Variants in CEP63 observed in about 807,000 individuals in gnomAD.
CEP63 encodes centrosomal protein of 63 kDa.
In CEP63, 84 loss-of-function variants were observed where a neutral mutation model predicts 89.1. That is an observed-to-expected ratio of 0.94 (90% CI 0.79 to 1.13). The LOEUF is 1.13. CEP63 is among the 50% of genes most tolerant of loss of function. CEP63 has a pLI of 0.00. For missense variants in CEP63, 838 were observed against 813.3 expected (o/e 1.03, Z -0.37); for synonymous variants, 267 against 272.5 (o/e 0.98, Z 0.20).
Position 134,537,020 on chromosome 3 carries a change from A to G in CEP63, c.442-135A>G, listed in dbSNP as rs919731637. The G allele has an allele frequency of 5.6e-6, 4 of 712,752 alleles. No homozygotes were observed. In the East Asian group the frequency reaches 1.1e-4, roughly 19 times the overall value. The allele number at this position is 712,752 out of a possible 1,614,324, so 44.2% of individuals were successfully genotyped here. A position where few individuals can be genotyped will look rare whatever the true frequency, so the allele number is the denominator to read the frequency against. On this transcript the variant is annotated intron_variant, in intron 5 of 14. Transcript: ENST00000675561. ...CTCCAGCTCTGTTAGCTGAGTGAGT[A>G]ATGGGGCTCCCGCTGTGGAGAAAGG... is the stretch of plus-strand genomic sequence containing the variant.
chr3:134,487,281 A>G (rs1425229198), intron 1 of CEP63, among the ~76,000 whole-genome samples: 1 of 152,130 alleles, frequency 6.6e-6, no homozygotes, highest in East Asian at 1.9e-4. Flanking sequence ...ATTGATTTTT[A>G]TTTTGAGTTT....
chr3:134,537,910 T>C (rs1450112307), intron 6 of CEP63, among the ~76,000 whole-genome samples: 2 of 152,200 alleles, frequency 1.3e-5, no homozygotes, highest in South Asian at 2.1e-4. Context: ...TTTAGAACAT[T>C]GATAGAAACT....
At chr3:134,639,169 T>C in the CEP63 span, among the ~76,000 whole-genome samples, 2 of 151,612 alleles carry the variant, frequency 1.3e-5, no homozygotes, top group African/African-American at 4.9e-5. Flanking sequence ...TGGTTAGATA[T>C]TCAACAGAGA....
chr3:134,730,411 A>C, the CEP63 span, among the ~76,000 whole-genome samples: 3 of 152,174 alleles, frequency 2.0e-5, no homozygotes, highest in African/African-American at 7.2e-5. Context: ...ACAATAACAT[A>C]ATTTCCATGT....
the CEP63 span, chr3:134,651,104 C>T: frequency 1.2e-5 from 18 of 1,511,684 alleles, no homozygotes; most frequent in Non-Finnish European, 1.6e-5. Flanking sequence ...AGCCGCAGGG[C>T]GCTGCTTTTC....
Position 134,547,343 on chromosome 3 carries a change from A to T in CEP63, c.938A>T (p.Glu313Val), listed in dbSNP as rs756463576. ...QHAVEAIRPREESLAEKKYTS... is the reference protein window; with the variant it reads ...QHAVEAIRPRVESLAEKKYTS... The stretch of plus-strand genomic sequence containing the variant: ...CCTATGTCTTTCCATAGGCCACGGG[A>T]AGAATCTCTGGCAGAAAAGAAGTAC... Residue 313 changes from glutamate (E) to valine (V), a missense_variant, in exon 9 of 15, where the codon GAA becomes GTA. Transcript: ENST00000675561. 6.2e-7 allele frequency: 1 copy of T among 1,613,594 alleles called. No homozygotes were observed. Among genetic ancestry groups the T allele is most frequent in the Non-Finnish European group, 8.5e-7 (1 of 1,179,578 alleles).
At chr3:134,780,281 A>G in the CEP63 span, among the ~76,000 whole-genome samples, 23 of 152,240 alleles carry the variant, frequency 1.5e-4, no homozygotes, top group African/African-American at 5.5e-4. Context: ...TATATAATAT[A>G]AAATTTTCAT....
intron 3 of CEP63, among the ~76,000 whole-genome samples, chr3:134,531,088 G>C (rs976378862): frequency 2.6e-5 from 4 of 152,124 alleles, no homozygotes; most frequent in African/African-American, 9.7e-5. Flanking sequence ...TCTGGAGTTG[G>C]GTGAATGGTA....
the CEP63 span, among the ~76,000 whole-genome samples, chr3:134,711,586 A>G: frequency 2.0e-5 from 3 of 152,038 alleles, no homozygotes; most frequent in Admixed American, 6.6e-5. Flanking sequence ...GAGACTCTGA[A>G]TGTTTGAAAA....
Position 134,562,688 on chromosome 3 carries a change from T to G in CEP63, c.*1153T>G, listed in dbSNP as rs1957458777. 1 of 152,376 alleles carries G rather than the reference T, an allele frequency of 6.6e-6. No homozygotes were observed. Among genetic ancestry groups the G allele is most frequent in the East Asian group, 1.9e-4 (1 of 5,180 alleles). 9.4% of individuals were successfully genotyped at this position (152,376 alleles called of 1,614,324 possible). On this transcript the variant is annotated 3_prime_UTR_variant, in exon 15 of 15. Coordinates refer to ENST00000675561, the MANE Select transcript of CEP63 (RefSeq NM_001353108.3). ...CTTCCTAACCCTCTCCAACACCACT[T>G]CCATCCCCAGACTGCTTTCTTGCTC...
chr3:134,633,400 A>G, the CEP63 span, among the ~76,000 whole-genome samples: 1 of 152,120 alleles, frequency 6.6e-6, no homozygotes, highest in African/African-American at 2.4e-5. Flanking sequence ...AGAAAAATAT[A>G]CTACAACCAT....
At chr3:134,672,056 C>T in the CEP63 span, among the ~76,000 whole-genome samples, 19 of 152,036 alleles carry the variant, frequency 1.2e-4, no homozygotes, top group Non-Finnish European at 2.1e-4. Context: ...GTGTTGAAAC[C>T]AATTTCAAAA....
chr3:134,727,521 G>A, the CEP63 span, among the ~76,000 whole-genome samples: 1 of 152,184 alleles, frequency 6.6e-6, no homozygotes, highest in Non-Finnish European at 1.5e-5. Flanking sequence ...GTACGTGCAA[G>A]TGGGCTGAAG....
At chr3:134,612,751 CTGTGTGTGTGTGTGTGTGTGTG>C in the CEP63 span, among the ~76,000 whole-genome samples, 12 of 125,420 alleles carry the variant, frequency 9.6e-5, no homozygotes, top group Non-Finnish European at 1.7e-5. Flanking sequence ...CACGCCGATG[CTGTGTGTGTGTGTGTGTGTGTG>C]TGTGTGTGTG....
the CEP63 span, among the ~76,000 whole-genome samples, chr3:134,758,010 C>CT: frequency 2.6e-5 from 4 of 152,152 alleles, no homozygotes; most frequent in African/African-American, 9.7e-5. Flanking sequence ...TTATCAGAAT[C>CT]TACTTGTTAC....
At chr3:134,535,227 C>A (rs1448007701) in intron 5 of CEP63, 1 of 152,058 alleles carries the variant, frequency 6.6e-6, no homozygotes, top group East Asian at 1.9e-4. Context: ...GTTCTTGTAC[C>A]CACTCAATAA....
In CEP63 at chr3:134,559,256, A is replaced by G. The variant is rs777696356; in HGVS notation, c.1780A>G (p.Arg594Gly). 3.1e-6 allele frequency: 5 copies of G among 1,614,180 alleles called. No individual in the cohort carries two copies. The highest frequency in any genetic ancestry group is 1.1e-5 in the South Asian group (1 of 91,086). Residue 594 changes from arginine (R) to glycine (G), a missense_variant, in exon 14 of 15, where the codon AGG becomes GGG. By Grantham distance (125) the Arg-to-Gly change is moderately radical (BLOSUM62 -2). Coordinates refer to ENST00000675561, the MANE Select transcript of CEP63 (RefSeq NM_001353108.3). ...GTCGGATAGTATAAACCCCATGTCT[A>G]GGGTGCTAAGCCCCCTGAGTCCTCA... is the stretch of plus-strand genomic sequence containing the variant. ...QASDSINPMSRVLSPLSPQIS... is the reference protein window; with the variant it reads ...QASDSINPMSGVLSPLSPQIS...
intron 7 of CEP63, 111 bp from the exon 8 acceptor site, chr3:134,546,038 G>C (rs577893093): frequency 1.6e-6 from 2 of 1,224,398 alleles, no homozygotes; most frequent in African/African-American, 3.1e-5. Context: ...CTGGCTTCTC[G>C]TGAAATAGAA....
At chr3:134,669,287 A>G in the CEP63 span, among the ~76,000 whole-genome samples, 1 of 152,072 alleles carries the variant, frequency 6.6e-6, no homozygotes, top group East Asian at 1.9e-4. Flanking sequence ...CTCGGCCTCC[A>G]AAGGTGCTGA....
Sources: gnomAD v4.1 joint callset for allele counts (sites outside exome capture counted in the v4.1 genomes callset) on GRCh38, gnomAD v4.1.1 for gene constraint, MANE v1.5 for transcripts, NCBI Gene and HGNC (gene_info 2026-07-23, HGNC 2026-07-21) for gene names.